Variants in ADH7 observed in about 807,000 individuals in gnomAD.
ADH7 encodes all-trans-retinol dehydrogenase [NAD(+)] ADH7.
Under a neutral mutation model 34.4 loss-of-function variants are expected in ADH7, and 41 were observed. The observed-to-expected ratio is 1.19, with a 90% CI of 0.93 to 1.55. ADH7 has a LOEUF of 1.55. Among genes scored for constraint, ADH7 ranks in the 40% most tolerant of loss-of-function variants. ADH7 has a pLI of 0.00. For synonymous variants in ADH7, 180 were observed against 160.9 expected, an observed-to-expected ratio of 1.12 and a Z score of -0.90; for missense variants, 540 against 461.2, an observed-to-expected ratio of 1.17 and a Z score of -1.56.
In ADH7 at chr4:99,428,609, G is replaced by C. The variant is rs776254383; in HGVS notation, c.142C>G (p.Arg48Gly). ...CCTTTTATCACATGGTCATCTGTGC[G>C]ACAGATTCCTGTGGCCAAAATCTGT... ...RIKILATGIC[R>G]TDDHVIKGTM... is the part of the protein sequence containing the mutation. The change falls in exon 3 of 9, where the codon CGC becomes GGC. Residue 48 changes from arginine to glycine, a missense_variant. Coordinates refer to ENST00000437033, the MANE Select transcript of ADH7 (RefSeq NM_000673.7). The C allele has an allele frequency of 6.2e-7, 1 of 1,612,966 alleles. No homozygotes were observed. The highest frequency in any genetic ancestry group is 2.2e-5 in the East Asian group (1 of 44,868).
intron 5 of ADH7, among the ~76,000 whole-genome samples, chr4:99,423,175 G>A (rs77713866): frequency 6.6e-6 from 1 of 150,566 alleles, no homozygotes; most frequent in African/African-American, 2.5e-5. Context: ...ATGGTTTCCA[G>A]CTTCATCCAT....
chr4:99,424,504 C>T (rs965311546), intron 5 of ADH7, among the ~76,000 whole-genome samples: 10 of 152,026 alleles, frequency 6.6e-5, no homozygotes, highest in African/African-American at 2.4e-5. Context: ...ATTCTTCCTA[C>T]CCATGAGCAT....
chr4:99,427,391 T>G (rs1415612414), intron 5 of ADH7, among the ~76,000 whole-genome samples: 7 of 152,194 alleles, frequency 4.6e-5, no homozygotes, highest in African/African-American at 1.7e-4. Flanking sequence ...ATTTTGTAGT[T>G]ATACAATAAA....
rs1322354123 is a variant in ADH7, at chr4:99,435,223, G to T, written c.11C>A (p.Ala4Asp). The change falls in exon 1 of 9, where the codon GCT (alanine) becomes GAT (aspartate). Residue 4 changes from alanine to aspartate, a missense_variant. Physicochemically the swap from Ala to Asp is moderately radical, Grantham distance 126 (BLOSUM62 -2). Coordinates refer to ENST00000437033, the MANE Select transcript of ADH7 (RefSeq NM_000673.7). ...CAGAAATGTTCCACTTACTTTTCCA[G>T]CAGTGCCCATCCTGTCTTTGTCTTG... is the stretch of plus-strand genomic sequence containing the variant. MGT[A>D]GKVIKCKAAV... The T allele has an allele frequency of 1.2e-6, 2 of 1,613,306 alleles. No individual in the cohort carries two copies. Among genetic ancestry groups the T allele is most frequent in the Non-Finnish European group, 8.5e-7 (1 of 1,179,682 alleles).
intron 3 of ADH7, 66 bp from the exon 4 acceptor site, chr4:99,428,240 T>A: frequency 6.9e-7 from 1 of 1,458,718 alleles, no homozygotes; most frequent in Non-Finnish European, 9.6e-7. Context: ...TTAACAAATG[T>A]GAATTGAGCC....
At chr4:99,420,900 A>G (rs754896618) in intron 5 of ADH7, 107 bp from the exon 6 acceptor site, 6 of 982,154 alleles carry the variant, frequency 6.1e-6, no homozygotes, top group African/African-American at 3.3e-5. Context: ...TCCCATTCAC[A>G]ATTGCTACAA....
At chr4:99,416,575 T>C (rs1231979182) in intron 7 of ADH7, among the ~76,000 whole-genome samples, 1 of 152,128 alleles carries the variant, frequency 6.6e-6, no homozygotes, top group Non-Finnish European at 1.5e-5. Context: ...CTTTGCTGGG[T>C]CCTCTACATC....
At position 99,427,838 on chromosome 4, in the gene ADH7, CA is replaced by C. The variant is rs770793462; in HGVS notation, c.498del (p.Glu167ArgfsTer5). ...SVAKIDDAAP[P>X]EKVCLIGCGF... is the part of the protein sequence containing the mutation. ...CCACAGCCAATTAAACAGACTTTCTCAGGAGGAGCTGCATCATCAATCTTAG... is the reference window on the plus strand; with the variant it reads ...CCACAGCCAATTAAACAGACTTTCTCGGAGGAGCTGCATCATCAATCTTAG... On this transcript the variant is annotated frameshift_variant, in exon 5 of 9. Coordinates refer to ENST00000437033, the MANE Select transcript of ADH7 (RefSeq NM_000673.7). LOFTEE classifies it high-confidence loss of function. 8.1e-6 allele frequency: 13 copies of C among 1,611,430 alleles called. No individual in the cohort carries two copies. In the South Asian group the frequency reaches 1.3e-4, roughly 16 times the overall value.
At chr4:99,421,540 T>C (rs1000877801) in intron 5 of ADH7, among the ~76,000 whole-genome samples, 1 of 152,070 alleles carries the variant, frequency 6.6e-6, no homozygotes, top group Admixed American at 6.5e-5. Context: ...CCCCAAACCA[T>C]AAAAACCCTA....
intron 7 of ADH7, among the ~76,000 whole-genome samples, chr4:99,417,241 C>T (rs1252991102): frequency 7.2e-5 from 11 of 152,072 alleles, no homozygotes; most frequent in Admixed American, 5.9e-4. Flanking sequence ...TCAGAATAAA[C>T]TCCTAAAACC....
chr4:99,433,947 G>A (rs1178398968), intron 1 of ADH7, among the ~76,000 whole-genome samples: 2 of 151,896 alleles, frequency 1.3e-5, no homozygotes, highest in Non-Finnish European at 2.9e-5. Flanking sequence ...CAATGTAAAG[G>A]GAAACTCCTT....
At chr4:99,424,065 A>G (rs1154463) in intron 5 of ADH7, among the ~76,000 whole-genome samples, 86,200 of 151,532 alleles carry the variant, frequency 0.57, 24,719 homozygotes, top group Middle Eastern at 0.63. Flanking sequence ...ATAAGGTGTA[A>G]GGAAGGGATC....
chr4:99,428,554 A>C lies in ADH7; in HGVS notation c.197T>G (p.Val66Gly). Residue 66 changes from valine (V) to glycine (G), a missense_variant, in exon 3 of 9, where the codon GTG (valine) becomes GGG (glycine). By Grantham distance (109) the Val-to-Gly change is moderately radical (BLOSUM62 -3). Coordinates refer to ENST00000437033, the MANE Select transcript of ADH7 (RefSeq NM_000673.7). ...TACAATCCCAGTTGCCTCATGTCCCACAATCACTGGAAACTTGGACACCAT... is the reference window on the plus strand; with the variant it reads ...TACAATCCCAGTTGCCTCATGTCCCCCAATCACTGGAAACTTGGACACCAT... ...GTMVSKFPVI[V>G]GHEATGIVES... The C allele has an allele frequency of 6.2e-7, 1 of 1,613,910 alleles. No homozygotes were observed.
chr4:99,424,621 G>A lies in ADH7; in HGVS notation c.564+3152C>T, dbSNP rs375228575. Reference sequence around the variant, plus strand: ...TCCCTTGTAAGTTGGATTCCTAGGTGTTTCATTCTCTTTGAAGCAATTGTG... The same window carrying A: ...TCCCTTGTAAGTTGGATTCCTAGGTATTTCATTCTCTTTGAAGCAATTGTG... On this transcript the variant is annotated intron_variant, in intron 5 of 8. Transcript: ENST00000437033. Among the ~76,000 whole-genome samples, 153 of 152,140 alleles carry A rather than the reference G, an allele frequency of 1.0e-3. 2 individuals carry two copies. The highest frequency in any genetic ancestry group is 1.9e-3 in the Non-Finnish European group (132 of 67,984).
At chr4:99,429,108 T>G (rs762355420) in intron 2 of ADH7, among the ~76,000 whole-genome samples, 2 of 152,206 alleles carry the variant, frequency 1.3e-5, no homozygotes, top group Non-Finnish European at 2.9e-5. Flanking sequence ...AAGCCAAGGT[T>G]AAGCTCTGTC....
intron 5 of ADH7, 72 bp from the exon 6 acceptor site, chr4:99,420,865 T>C (rs926809771): frequency 1.4e-6 from 2 of 1,437,924 alleles, no homozygotes; most frequent in African/African-American, 1.4e-5. Flanking sequence ...GGGCCTCCAG[T>C]TAAAAACACA....
chr4:99,425,645 G>T (rs1398361554), intron 5 of ADH7, among the ~76,000 whole-genome samples: 2 of 152,110 alleles, frequency 1.3e-5, no homozygotes, highest in Non-Finnish European at 2.9e-5. Flanking sequence ...ACATTAGACA[G>T]ATCAACGAGA....
chr4:99,422,199 C>T (rs1721682160), intron 5 of ADH7, among the ~76,000 whole-genome samples: 1 of 152,190 alleles, frequency 6.6e-6, no homozygotes, highest in Non-Finnish European at 1.5e-5. Context: ...AAGACACATG[C>T]ACACGTATGT....
At chr4:99,434,886 G>C in intron 1 of ADH7, 3 of 687,908 alleles carry the variant, frequency 4.4e-6, no homozygotes, top group Non-Finnish European at 7.5e-6. Context: ...GACGATTGAA[G>C]TGTCCTTGTG....
Sources: gnomAD v4.1 joint callset for allele counts (sites outside exome capture counted in the v4.1 genomes callset) on GRCh38, gnomAD v4.1.1 for gene constraint, MANE v1.5 for transcripts, NCBI Gene and HGNC (gene_info 2026-07-23, HGNC 2026-07-21) for gene names.